MFSD11: variants seen among roughly 807,000 people sequenced by gnomAD.
MFSD11 encodes the protein major facilitator superfamily domain containing 11, also known as UNC93-like protein MFSD11.
A neutral mutation model predicts 53.5 loss-of-function variants in MFSD11; 36 were observed. The observed-to-expected ratio is 0.67, with a 90% confidence interval of 0.52 to 0.89. The LOEUF (loss-of-function observed/expected upper bound fraction) is 0.89, where lower values mean the gene tolerates loss of function less well. MFSD11 is among the 40% of genes least tolerant of loss of function. MFSD11 has a pLI of 0.00. For missense variants in MFSD11, 530 were observed against 543.9 expected, an observed-to-expected ratio of 0.97 and a Z score of 0.25; for synonymous variants, 186 against 184.9, an observed-to-expected ratio of 1.01 and a Z score of -0.05.
At position 76,744,339 on chromosome 17, in the gene MFSD11, G is replaced by A; in HGVS notation, c.514G>A (p.Val172Met). 6.2e-7 allele frequency: 1 copy of A among 1,611,756 alleles called. No homozygotes were observed. The change falls in exon 7 of 13, where the codon GTG becomes ATG. Residue 172 changes from valine to methionine, a missense_variant. Transcript: ENST00000685175. ...CTCCGTAGAGAGTGACCGAAGAACA[G>A]TGTTTATTGCCCTAACGGTGATTAG... ...TQISESDRRT[V>M]FIALTVISLV...
intron 11 of MFSD11, 90 bp downstream of exon 11, chr17:76,775,261 C>A: frequency 8.2e-7 from 1 of 1,214,950 alleles, no homozygotes; most frequent in Non-Finnish European, 1.2e-6. Flanking sequence ...TAATCCTCTT[C>A]AGAGAGCCTG....
chr17:76,774,975 T>A, intron 10 of MFSD11, 22 bp from the exon 11 acceptor site: 1 of 1,607,762 alleles, frequency 6.2e-7, no homozygotes, highest in Non-Finnish European at 8.5e-7. Context: ...ATTAGTGACG[T>A]TTCTGCCATC....
the MFSD11 span, among the ~76,000 whole-genome samples, chr17:76,791,067 C>CT: frequency 6.7e-6 from 1 of 148,744 alleles, no homozygotes; most frequent in Non-Finnish European, 1.5e-5. Context: ...GAAGGTCAAA[C>CT]TTGACCTTCT....
At chr17:76,787,035 C>T in the MFSD11 span, among the ~76,000 whole-genome samples, 1 of 151,204 alleles carries the variant, frequency 6.6e-6, no homozygotes, top group Admixed American at 6.6e-5. Context: ...ATCAATACAA[C>T]AAAAATGTTC....
chr17:76,771,369 G>A (rs2081364834), intron 10 of MFSD11, among the ~76,000 whole-genome samples: 1 of 152,180 alleles, frequency 6.6e-6, no homozygotes, highest in South Asian at 2.1e-4. Context: ...TGCTCCACGA[G>A]TTATTCTTTG....
chr17:76,738,890 A>G (rs1273027954), intron 1 of MFSD11, 48 bp from the exon 2 acceptor site: 1 of 1,478,628 alleles, frequency 6.8e-7, no homozygotes, highest in Non-Finnish European at 9.5e-7. Flanking sequence ...CAAGGGTGGG[A>G]GGGAGACTGC....
chr17:76,787,949 A>G, the MFSD11 span, among the ~76,000 whole-genome samples: 1 of 149,998 alleles, frequency 6.7e-6, no homozygotes, highest in Non-Finnish European at 1.5e-5. Context: ...GACAGATAGG[A>G]GACCTGAGGG....
Position 76,776,020 on chromosome 17 carries a change from C to T in MFSD11, c.1050-386C>T, listed in dbSNP as rs550156915. On this transcript the variant is annotated intron_variant, in intron 11 of 12. Transcript: ENST00000685175. This position sits in a 1 kb window ranked among gnomAD's most constrained non-coding sequence, Gnocchi z 4.2. The stretch of plus-strand genomic sequence containing the variant: ...TGAGACAGAGTCTCACTCTGTCTGC[C>T]AGCCTAGAATGCAAGTGGCGTGATC... 6.6e-6 allele frequency among the ~76,000 whole-genome samples: 1 copy of T among 152,148 alleles called. No individual in the cohort carries two copies. Among genetic ancestry groups the T allele is most frequent in the South Asian group, 2.1e-4 (1 of 4,824 alleles).
chr17:76,740,321 G>T (rs1041875279), intron 2 of MFSD11, among the ~76,000 whole-genome samples: 1 of 151,986 alleles, frequency 6.6e-6, no homozygotes, highest in Admixed American at 6.6e-5. Context: ...ACCACACTTC[G>T]TACAAGACAT....
At chr17:76,785,330 T>A (rs2082260897), downstream of MFSD11, among the ~76,000 whole-genome samples, 1 of 151,874 alleles carries the variant, frequency 6.6e-6, no homozygotes, top group South Asian at 2.1e-4. Flanking sequence ...GAAGGTAGTG[T>A]TTATTGTCTT....
intron 8 of MFSD11, among the ~76,000 whole-genome samples, chr17:76,761,400 A>G (rs1290702118): frequency 6.6e-6 from 1 of 152,200 alleles, no homozygotes; most frequent in Non-Finnish European, 1.5e-5. Context: ...GTAGTGAGAT[A>G]CTGGAAATAA....
At chr17:76,793,901 A>G in the MFSD11 span, among the ~76,000 whole-genome samples, 1 of 151,192 alleles carries the variant, frequency 6.6e-6, no homozygotes, top group African/African-American at 2.5e-5. Context: ...TGGGACAAAG[A>G]TTCAGTCTGC....
intron 7 of MFSD11, among the ~76,000 whole-genome samples, chr17:76,750,647 C>T (rs1438468310): frequency 2.6e-5 from 4 of 151,942 alleles, no homozygotes; most frequent in Non-Finnish European, 2.9e-5. Context: ...TGAGCCACCG[C>T]GCCTGGCCGA....
upstream of MFSD11, chr17:76,737,302 T>G (rs1259514308): frequency 1.7e-6 from 2 of 1,200,980 alleles, no homozygotes; most frequent in Admixed American, 5.8e-5. Flanking sequence ...ACGGACGGGC[T>G]CCGCAGGCTA....
At chr17:76,744,587 A>G in intron 7 of MFSD11, 121 bp downstream of exon 7, 1 of 813,508 alleles carries the variant, frequency 1.2e-6, no homozygotes, top group Non-Finnish European at 1.8e-6. Flanking sequence ...TACCACAGGC[A>G]AGAAAAGGAA....
intron 10 of MFSD11, 91 bp downstream of exon 10, chr17:76,769,962 A>G: frequency 8.3e-7 from 1 of 1,210,474 alleles, no homozygotes; most frequent in South Asian, 1.5e-5. Context: ...TTGTCCTTGA[A>G]TTTCTGTTTT....
chr17:76,785,110 C>T (rs1164793265), downstream of MFSD11, among the ~76,000 whole-genome samples: 1 of 152,146 alleles, frequency 6.6e-6, no homozygotes, highest in Non-Finnish European at 1.5e-5. Flanking sequence ...TACGTCTATA[C>T]AATGAAGTAT....
chr17:76,773,303 C>T (rs753522795), intron 10 of MFSD11: 4 of 152,312 alleles, frequency 2.6e-5, no homozygotes, highest in Non-Finnish European at 4.4e-5. Context: ...GCTGCCTACT[C>T]TTGAGAGGAA....
intron 9 of MFSD11, among the ~76,000 whole-genome samples, chr17:76,768,057 C>A (rs926624468): frequency 1.3e-5 from 2 of 152,164 alleles, no homozygotes; most frequent in African/African-American, 4.8e-5. Flanking sequence ...AATCCCAGCA[C>A]TTTGGGAGGC....
Sources: gnomAD v4.1 joint callset for allele counts (sites outside exome capture counted in the v4.1 genomes callset) on GRCh38, gnomAD v4.1.1 for gene constraint, Gnocchi (gnomAD v3.1) non-coding constraint, MANE v1.5 for transcripts, NCBI Gene and HGNC (gene_info 2026-07-23, HGNC 2026-07-21) for gene names.